Variants in NOX3 observed in about 807,000 individuals in gnomAD.
NOX3 encodes the protein NADPH oxidase 3.
A neutral mutation model predicts 76.7 loss-of-function variants in NOX3; 74 were observed. That is an observed-to-expected ratio of 0.96 (90% CI 0.80 to 1.17). The LOEUF is 1.17. Ranked by LOEUF, NOX3 falls within the 50% of genes most tolerant of loss-of-function variation. NOX3 has a pLI of 0.00. For synonymous variants in NOX3, 263 were observed against 261.1 expected, an observed-to-expected ratio of 1.01 and a Z score of -0.07; for missense variants, 695 against 703.3, an observed-to-expected ratio of 0.99 and a Z score of 0.13.
At chr6:155,423,116 T>A (rs1213029169) in intron 9 of NOX3, among the ~76,000 whole-genome samples, 1 of 152,176 alleles carries the variant, frequency 6.6e-6, no homozygotes, top group East Asian at 1.9e-4. Context: ...TCGCTATAGC[T>A]CAGGCCTCGT....
At chr6:155,434,923 G>GC (rs1487044128) in intron 7 of NOX3, among the ~76,000 whole-genome samples, 2 of 152,194 alleles carry the variant, frequency 1.3e-5, no homozygotes. Flanking sequence ...CCGTGAAAAC[G>GC]CCCTGAGTTA....
In NOX3 at chr6:155,422,875, G is replaced by T. The variant is rs775181385; in HGVS notation, c.1146-19C>A. ...TGCCAGCCTGGAATCATAGAGGAAT[G>T]CAGCCTATTTGACCTTCAGAACACC... On this transcript the variant is annotated intron_variant, in intron 9 of 13. Transcript: ENST00000159060. 6.2e-7 allele frequency: 1 copy of T among 1,613,382 alleles called. No individual in the cohort carries two copies. Among genetic ancestry groups the T allele is most frequent in the Non-Finnish European group, 8.5e-7 (1 of 1,179,386 alleles).
chr6:155,411,545 A>T (rs1476222245), intron 10 of NOX3, among the ~76,000 whole-genome samples, 185 bp from the exon 11 acceptor site: 1 of 152,172 alleles, frequency 6.6e-6, no homozygotes, highest in African/African-American at 2.4e-5. Context: ...AAAATTCACA[A>T]TGTGTTTGAA....
intron 4 of NOX3, among the ~76,000 whole-genome samples, chr6:155,447,240 C>A (rs377373532): frequency 1.3e-5 from 2 of 151,946 alleles, no homozygotes; most frequent in African/African-American, 4.8e-5. Flanking sequence ...TTTCATCATG[C>A]TGCCCAGGCT....
chr6:155,439,967 G>A lies in NOX3; in HGVS notation c.657C>T (p.Ile219=). 6 of 1,613,684 alleles carry A rather than the reference G, an allele frequency of 3.7e-6. No individual in the cohort carries two copies. Among genetic ancestry groups the A allele is most frequent in the Non-Finnish European group, 5.1e-6 (6 of 1,179,864 alleles). Residue 219 remains isoleucine (I), a synonymous_variant, in exon 6 of 14, where the codon ATC becomes ATT. Coordinates refer to ENST00000159060, the MANE Select transcript of NOX3 (RefSeq NM_015718.3). Reference sequence around the variant, plus strand: ...CAGTATGGACTTACCCCGTCCCATGGATGGCCAGGCTGAGAAAGAAGACGA... The same window carrying A: ...CAGTATGGACTTACCCCGTCCCATGAATGGCCAGGCTGAGAAAGAAGACGA... ...VFIVFFLSLA[I]HGTGRIVRGQ... is the part of the protein sequence containing the mutation.
At chr6:155,432,356 T>A (rs1776845421) in intron 7 of NOX3, among the ~76,000 whole-genome samples, 1 of 143,302 alleles carries the variant, frequency 7.0e-6, no homozygotes, top group African/African-American at 2.6e-5. Flanking sequence ...TCCCTACACT[T>A]CCTCCTAGGT....
chr6:155,419,192 C>T (rs1012554671), intron 10 of NOX3, among the ~76,000 whole-genome samples: 2 of 152,204 alleles, frequency 1.3e-5, no homozygotes, highest in Non-Finnish European at 2.9e-5. Context: ...AGTAGCTATA[C>T]TCAAACCAAC....
intron 4 of NOX3, among the ~76,000 whole-genome samples, chr6:155,451,651 G>A (rs1204024942): frequency 1.3e-5 from 2 of 151,676 alleles, no homozygotes; most frequent in Admixed American, 6.6e-5. Context: ...TTGAGATGGG[G>A]TCTCACTGTG....
intron 11 of NOX3, among the ~76,000 whole-genome samples, chr6:155,409,045 G>T (rs555654811): frequency 6.6e-6 from 1 of 151,988 alleles, no homozygotes; most frequent in South Asian, 2.1e-4. Flanking sequence ...ACCAGTATGC[G>T]CTATACCCAT....
intron 7 of NOX3, among the ~76,000 whole-genome samples, chr6:155,432,390 C>T (rs553924978): frequency 7.4e-6 from 1 of 135,540 alleles, no homozygotes; most frequent in African/African-American, 2.8e-5. Flanking sequence ...CACCTTACTC[C>T]TTGAATAGTA....
At chr6:155,440,408 C>A (rs1484807322) in intron 5 of NOX3, among the ~76,000 whole-genome samples, 1 of 151,800 alleles carries the variant, frequency 6.6e-6, no homozygotes, top group Non-Finnish European at 1.5e-5. Flanking sequence ...TTTCATCAAT[C>A]ACATTTTTTT....
intron 10 of NOX3, among the ~76,000 whole-genome samples, 198 bp from the exon 11 acceptor site, chr6:155,411,558 A>C (rs964594824): frequency 2.6e-5 from 4 of 152,300 alleles, no homozygotes; most frequent in Admixed American, 6.5e-5. Context: ...TGTTTGAAAA[A>C]GCCCAGAGTG....
chr6:155,409,688 C>A (rs1449923503), intron 11 of NOX3, among the ~76,000 whole-genome samples: 1 of 152,148 alleles, frequency 6.6e-6, no homozygotes, highest in Non-Finnish European at 1.5e-5. Context: ...CGACAGAATG[C>A]ACCAATTATT....
chr6:155,404,252 G>A (rs548283617), intron 12 of NOX3, among the ~76,000 whole-genome samples: 13 of 152,010 alleles, frequency 8.6e-5, no homozygotes, highest in African/African-American at 2.9e-4. Context: ...AAATGATCTC[G>A]TCTCTCCTCT....
chr6:155,426,944 A>G (rs1291215818), intron 9 of NOX3, among the ~76,000 whole-genome samples: 1 of 135,212 alleles, frequency 7.4e-6, no homozygotes, highest in Non-Finnish European at 1.5e-5. Context: ...GGCGATGCCA[A>G]GGGGAGAGCA....
Position 155,416,773 on chromosome 6 carries a change from C to T in NOX3, c.1309-5413G>A, listed in dbSNP as rs538520198. Among the ~76,000 whole-genome samples the T allele has an allele frequency of 6.6e-3, 524 of 79,944 alleles. 5 individuals are homozygous for T. The highest frequency in any genetic ancestry group is 0.028 in the African/African-American group (501 of 17,604). The allele number at this position is 79,944 out of a possible 152,430, so 52.4% of individuals were successfully genotyped here. ...TTTTTTTTTTTTTTTTTTTTTGAGA[C>T]GGAGTCTCGCGCTATCCTCCAGGCT... is the stretch of plus-strand genomic sequence containing the variant. On this transcript the variant is annotated intron_variant, in intron 10 of 13. Coordinates refer to ENST00000159060, the MANE Select transcript of NOX3 (RefSeq NM_015718.3).
chr6:155,454,693 G>T, intron 3 of NOX3, 118 bp downstream of exon 3: 2 of 637,278 alleles, frequency 3.1e-6, no homozygotes, highest in Non-Finnish European at 5.3e-6. Context: ...CTCTAACAAA[G>T]AAACCCAAGT....
intron 8 of NOX3, among the ~76,000 whole-genome samples, chr6:155,429,694 A>G (rs1299675372): frequency 6.6e-6 from 1 of 152,182 alleles, no homozygotes; most frequent in Non-Finnish European, 1.5e-5. Flanking sequence ...AGAGGGAAAG[A>G]GCTAATTTCC....
rs774072273 is a variant in NOX3, at chr6:155,422,877, A to G, written c.1146-21T>C. 1.9e-6 allele frequency: 3 copies of G among 1,613,350 alleles called. No homozygotes were observed. The South Asian group carries it at 3.3e-5, about 18-fold the overall frequency. On this transcript the variant is annotated intron_variant, in intron 9 of 13. Transcript: ENST00000159060. ...CCAGCCTGGAATCATAGAGGAATGC[A>G]GCCTATTTGACCTTCAGAACACCTT...
Sources: gnomAD v4.1 joint callset for allele counts (sites outside exome capture counted in the v4.1 genomes callset) on GRCh38, gnomAD v4.1.1 for gene constraint, MANE v1.5 for transcripts, NCBI Gene and HGNC (gene_info 2026-07-23, HGNC 2026-07-21) for gene names.